Variants in PARP8 observed in about 807,000 individuals in gnomAD.
The protein encoded by PARP8 is poly(ADP-ribose) polymerase family member 8, also known as protein mono-ADP-ribosyltransferase PARP8.
In PARP8, 51 loss-of-function variants were observed where a neutral mutation model predicts 124.1. That is an observed-to-expected ratio of 0.41 (90% CI 0.33 to 0.52). The LOEUF is 0.52. Among genes scored for constraint, PARP8 ranks in the 20% least tolerant of loss-of-function variants. PARP8 has a pLI of 0.21. For missense variants in PARP8, 860 were observed against 1,018.9 expected (o/e 0.84, Z 2.12); for synonymous variants, 391 against 361.5 (o/e 1.08, Z -0.93).
At chr5:50,768,706 A>G (rs1249460936) in intron 7 of PARP8, among the ~76,000 whole-genome samples, 3 of 152,186 alleles carry the variant, frequency 2.0e-5, no homozygotes, top group African/African-American at 4.8e-5. Flanking sequence ...CAAGCATTCA[A>G]CTTGATTCTG....
At chr5:50,736,647 AT>A (rs990997294) in intron 2 of PARP8, among the ~76,000 whole-genome samples, 13 of 152,304 alleles carry the variant, frequency 8.5e-5, no homozygotes, top group African/African-American at 3.1e-4. Context: ...GACAAAATTT[AT>A]TTGTAATGCC....
chr5:50,835,095 CT>C (rs1747418046), intron 25 of PARP8, 80 bp downstream of exon 25: 3 of 1,121,976 alleles, frequency 2.7e-6, no homozygotes, highest in Non-Finnish European at 2.6e-6. Flanking sequence ...CGTTTGGTCT[CT>C]TTAGCTGCCA....
intron 2 of PARP8, among the ~76,000 whole-genome samples, chr5:50,704,607 T>C (rs1290184011): frequency 6.6e-6 from 1 of 152,150 alleles, no homozygotes; most frequent in African/African-American, 2.4e-5. Context: ...CTGTAAGTGT[T>C]AAAGTACACA....
intron 14 of PARP8, among the ~76,000 whole-genome samples, chr5:50,814,394 A>G (rs1009117831): frequency 2.0e-5 from 3 of 152,184 alleles, no homozygotes; most frequent in Non-Finnish European, 4.4e-5. Flanking sequence ...CAGAGTGTGT[A>G]TAGCTTGAAT....
rs541660652 is a variant in PARP8 at position 50,829,081 on chromosome 5, A to G, written c.2163+697A>G. Reference sequence around the variant, plus strand: ...AATATGAATGCTTTTAGAGAATAAAATGTAGAAATAAGTGAAGATTGCATG... The same window carrying G: ...AATATGAATGCTTTTAGAGAATAAAGTGTAGAAATAAGTGAAGATTGCATG... On this transcript the variant is annotated intron_variant, in intron 21 of 25. Coordinates refer to ENST00000281631, the MANE Select transcript of PARP8 (RefSeq NM_024615.4). Among the ~76,000 whole-genome samples, 7 of 152,324 alleles carry G rather than the reference A, an allele frequency of 4.6e-5. No homozygotes were observed. In the East Asian group the frequency reaches 5.8e-4, roughly 13 times the overall value.
intron 2 of PARP8, chr5:50,669,154 T>G (rs1749711741): frequency 6.6e-6 from 1 of 152,234 alleles, no homozygotes; most frequent in African/African-American, 2.4e-5. Context: ...GCAATATACC[T>G]AAGCCCCAGA....
intron 2 of PARP8, among the ~76,000 whole-genome samples, chr5:50,733,996 A>G (rs1316845782): frequency 6.6e-6 from 1 of 152,216 alleles, no homozygotes; most frequent in African/African-American, 2.4e-5. Context: ...ACAGTAACTG[A>G]TAACTTTACT....
intron 2 of PARP8, among the ~76,000 whole-genome samples, chr5:50,670,472 A>T (rs6890869): frequency 0.85 from 128,820 of 152,204 alleles, 54,892 homozygotes; most frequent in East Asian, 0.96. Flanking sequence ...TATTAAAAAA[A>T]AATAATAATT....
chr5:50,770,193 T>G (rs1185008070), intron 7 of PARP8, among the ~76,000 whole-genome samples: 3 of 152,178 alleles, frequency 2.0e-5, no homozygotes, highest in Admixed American at 1.3e-4. Flanking sequence ...CTTATTATTC[T>G]ATATCTATTT....
At chr5:50,808,752 TTC>T (rs1157912818) in intron 14 of PARP8, among the ~76,000 whole-genome samples, 3 of 152,044 alleles carry the variant, frequency 2.0e-5, no homozygotes, top group African/African-American at 7.2e-5. Flanking sequence ...CAAGATTTGA[TTC>T]TGTTTTCTTT....
At chr5:50,764,813 C>CTTT (rs5867717) in intron 7 of PARP8, among the ~76,000 whole-genome samples, 8 of 138,530 alleles carry the variant, frequency 5.8e-5, no homozygotes, top group Non-Finnish European at 7.9e-5. Context: ...GTGTTTTTTT[C>CTTT]TTTTTTTTTT....
intron 18 of PARP8, among the ~76,000 whole-genome samples, chr5:50,825,549 C>T (rs1286637867): frequency 1.3e-5 from 2 of 152,176 alleles, no homozygotes; most frequent in Non-Finnish European, 2.9e-5. Context: ...GGAGAGAAGT[C>T]ACCTTGCTGT....
chr5:50,795,125 T>C lies in PARP8; in HGVS notation c.1136T>C (p.Leu379Pro), dbSNP rs1742386754. 6.2e-7 allele frequency: 1 copy of C among 1,614,088 alleles called. No individual in the cohort carries two copies. The highest frequency in any genetic ancestry group is 1.3e-5 in the African/African-American group (1 of 74,936). ...GTTAAGTCAGAGGAATGCCTAACTCTAAAGTCGCATAGACTATTGACTCGA... is the reference window on the plus strand; with the variant it reads ...GTTAAGTCAGAGGAATGCCTAACTCCAAAGTCGCATAGACTATTGACTCGA... Reference protein sequence around the residue: ...AAVKSEECLTLKSHRLLTRSC... With the variant: ...AAVKSEECLTPKSHRLLTRSC... The change falls in exon 12 of 26, where the codon CTA (leucine) becomes CCA (proline). Residue 379 changes from leucine to proline, a missense_variant. Leu to Pro is a moderately conservative substitution (Grantham distance 98). Coordinates refer to ENST00000281631, the MANE Select transcript of PARP8 (RefSeq NM_024615.4).
chr5:50,722,756 A>C (rs1396106471), intron 2 of PARP8, among the ~76,000 whole-genome samples: 1 of 152,072 alleles, frequency 6.6e-6, no homozygotes, highest in Non-Finnish European at 1.5e-5. Context: ...TATGTGCTTA[A>C]AGATTCTATG....
chr5:50,759,049 A>G (rs553341367), intron 3 of PARP8, among the ~76,000 whole-genome samples: 30 of 152,228 alleles, frequency 2.0e-4, no homozygotes, highest in East Asian at 7.7e-4. Flanking sequence ...CTTCAGCTCA[A>G]ATTTTTGAAT....
intron 9 of PARP8, among the ~76,000 whole-genome samples, chr5:50,786,077 C>G (rs1580336960): frequency 6.6e-6 from 1 of 152,000 alleles, no homozygotes; most frequent in South Asian, 2.1e-4. Flanking sequence ...TAAAAACCCT[C>G]TTGACCTCAA....
At chr5:50,737,116 A>AT (rs780970935) in intron 2 of PARP8, among the ~76,000 whole-genome samples, 3 of 152,106 alleles carry the variant, frequency 2.0e-5, no homozygotes, top group Non-Finnish European at 2.9e-5. Context: ...ATTTACTAAG[A>AT]TTCCCATTTT....
At chr5:50,747,154 G>GTTTTTTTTTTTTTTTTT (rs370243477) in intron 2 of PARP8, among the ~76,000 whole-genome samples, 11 of 121,906 alleles carry the variant, frequency 9.0e-5, no homozygotes, top group African/African-American at 2.9e-4. Flanking sequence ...TTTTTTGTTT[G>GTTTTTTTTTTTTTTTTT]TTTGTTTTGT....
At chr5:50,836,640 A>G (rs1201531777) in intron 25 of PARP8, among the ~76,000 whole-genome samples, 1 of 152,184 alleles carries the variant, frequency 6.6e-6, no homozygotes. Flanking sequence ...AAAGACTCCA[A>G]GAGGATCCTG....
Sources: allele counts gnomAD v4.1 joint callset (sites outside exome capture counted in the v4.1 genomes callset), GRCh38; gene constraint gnomAD v4.1.1; transcripts MANE v1.5; gene names NCBI Gene and HGNC (gene_info 2026-07-23, HGNC 2026-07-21).